The following SAMD12 variants were observed in gnomAD, a reference collection of about 807,000 sequenced individuals.
SAMD12 encodes the protein sterile alpha motif domain containing 12, also known as sterile alpha motif domain-containing protein 12.
Under a neutral mutation model 15.0 loss-of-function variants are expected in SAMD12, and 9 were observed. The observed-to-expected ratio is 0.60, with a 90% CI of 0.36 to 1.05. SAMD12 has a LOEUF of 1.05. SAMD12 is among the 50% of genes least tolerant of loss of function. The probability of loss-of-function intolerance (pLI) is 0.01; values close to 1 mark genes in which losing one functional copy is unlikely to be tolerated. For synonymous variants in SAMD12, 86 were observed against 90.1 expected, an observed-to-expected ratio of 0.96 and a Z score of 0.25; for missense variants, 230 against 234.2, an observed-to-expected ratio of 0.98 and a Z score of 0.12.
chr8:118,238,574 T>C lies in SAMD12; in HGVS notation c.434-40842A>G, dbSNP rs527366426. On this transcript the variant is annotated intron_variant, in intron 4 of 4. Coordinates refer to the SAMD12 transcript ENST00000409003. ...CTATCTCCTTGTGCTGACTCAGCTG[T>C]TGGAATGAGTAGTGAAGCTATAGAC... Among the ~76,000 whole-genome samples the C allele has an allele frequency of 2.0e-5, 3 of 152,254 alleles. No individual in the cohort carries two copies. The East Asian group carries it at 5.8e-4, about 29-fold the overall frequency.
chr8:118,330,571 GA>G (rs1363339131), intron 4 of SAMD12, among the ~76,000 whole-genome samples: 1 of 152,144 alleles, frequency 6.6e-6, no homozygotes. Context: ...GATCACAAGA[GA>G]AATACAAAAG....
chr8:118,518,354 G>A (rs1343092728), intron 2 of SAMD12, among the ~76,000 whole-genome samples: 1 of 152,168 alleles, frequency 6.6e-6, no homozygotes, highest in Non-Finnish European at 1.5e-5. Context: ...AAGAACCTGT[G>A]ATAGGAAGTA....
intron 4 of SAMD12, among the ~76,000 whole-genome samples, chr8:118,326,104 A>G (rs1816551460): frequency 6.6e-6 from 1 of 152,192 alleles, no homozygotes; most frequent in Non-Finnish European, 1.5e-5. Context: ...CTGGTGCTTC[A>G]ATTTCTTAAT....
chr8:118,508,055 G>A (rs1476100377), intron 2 of SAMD12, among the ~76,000 whole-genome samples: 1 of 142,476 alleles, frequency 7.0e-6, no homozygotes, highest in Non-Finnish European at 1.5e-5. Flanking sequence ...GTGCAGTGGT[G>A]CCATCATAGC....
At chr8:118,149,978 C>A in the SAMD12 span, among the ~76,000 whole-genome samples, 1 of 152,150 alleles carries the variant, frequency 6.6e-6, no homozygotes, top group Non-Finnish European at 1.5e-5. Context: ...ATTCTTTAAT[C>A]CCAGTGATTC....
intron 4 of SAMD12, among the ~76,000 whole-genome samples, chr8:118,204,259 G>T (rs771218973): frequency 1.3e-5 from 2 of 152,030 alleles, no homozygotes; most frequent in Non-Finnish European, 2.9e-5. Context: ...AAGGACAAAG[G>T]ATTTATGTGG....
chr8:118,376,491 C>A (rs772132407), downstream of SAMD12, among the ~76,000 whole-genome samples: 6 of 152,162 alleles, frequency 3.9e-5, no homozygotes, highest in Non-Finnish European at 8.8e-5. Flanking sequence ...TCATCAGACA[C>A]TGAATCTGCT....
the SAMD12 span, among the ~76,000 whole-genome samples, chr8:118,175,034 C>CA: frequency 0.013 from 1,013 of 78,774 alleles, 7 homozygotes; most frequent in Middle Eastern, 0.021. Flanking sequence ...CAAAAAAAAA[C>CA]AAAAAAAAAA....
chr8:118,543,587 T>C lies in SAMD12; in HGVS notation c.192+37128A>G, dbSNP rs60086839. On this transcript the variant is annotated intron_variant, in intron 2 of 3. Coordinates refer to ENST00000314727, the MANE Select transcript of SAMD12 (RefSeq NM_207506.3). Reference sequence around the variant, plus strand: ...TGGCCTAACACAAATTCATAAACTTTCTTAAAACATTATGAGATTTTTTTT... The same window carrying C: ...TGGCCTAACACAAATTCATAAACTTCCTTAAAACATTATGAGATTTTTTTT... 9.2e-5 allele frequency among the ~76,000 whole-genome samples: 14 copies of C among 151,828 alleles called. No individual in the cohort carries two copies. In the East Asian group the frequency reaches 2.7e-3, roughly 29 times the overall value.
chr8:118,372,266 T>G (rs1409239793), intron 4 of SAMD12, among the ~76,000 whole-genome samples: 1 of 152,164 alleles, frequency 6.6e-6, no homozygotes, highest in African/African-American at 2.4e-5. Flanking sequence ...TAGAAAGACA[T>G]ATCCTATTGC....
intron 4 of SAMD12, among the ~76,000 whole-genome samples, chr8:118,318,312 A>ATG (rs1344043781): frequency 3.4e-3 from 28 of 8,330 alleles, no homozygotes; most frequent in African/African-American, 0.011. Context: ...ATATATGTGT[A>ATG]TATATATATA....
rs1168490990 is a variant in SAMD12 at position 118,240,844 on chromosome 8, A to G, written c.434-43112T>C. ...TGGTGCTGAAGGACAAGCCAAGATT[A>G]AAGAGTCAACCAGCAGTTGACTGAG... On this transcript the variant is annotated intron_variant, in intron 4 of 4. Coordinates refer to the SAMD12 transcript ENST00000409003. Among the ~76,000 whole-genome samples the G allele has an allele frequency of 2.0e-5, 3 of 152,142 alleles. No homozygotes were observed. The East Asian group carries it at 5.8e-4, about 29-fold the overall frequency.
At chr8:118,496,662 C>A (rs1296258733) in intron 2 of SAMD12, among the ~76,000 whole-genome samples, 3 of 152,036 alleles carry the variant, frequency 2.0e-5, no homozygotes, top group Admixed American at 6.6e-5. Context: ...TAGGCCTTGG[C>A]AAAGATTTCA....
intron 4 of SAMD12, among the ~76,000 whole-genome samples, chr8:118,283,989 TAGA>T (rs1813794548): frequency 6.6e-6 from 1 of 152,208 alleles, no homozygotes; most frequent in African/African-American, 2.4e-5. Context: ...TATCACATTC[TAGA>T]AGGTGTGTGG....
At chr8:118,473,408 C>T (rs111424622) in intron 2 of SAMD12, among the ~76,000 whole-genome samples, 4 of 152,208 alleles carry the variant, frequency 2.6e-5, no homozygotes, top group African/African-American at 9.7e-5. Context: ...TCCTTCTAGA[C>T]TTAAAAACAC....
intron 2 of SAMD12, among the ~76,000 whole-genome samples, chr8:118,463,367 G>A (rs1823492895): frequency 6.6e-6 from 1 of 152,130 alleles, no homozygotes; most frequent in African/African-American, 2.4e-5. Flanking sequence ...AGGAGTCTAG[G>A]ATCAAGACAA....
intron 3 of SAMD12, among the ~76,000 whole-genome samples, chr8:118,410,635 T>C (rs555235970): frequency 6.6e-6 from 1 of 152,188 alleles, no homozygotes; most frequent in Non-Finnish European, 1.5e-5. Context: ...TGCAGGTAAA[T>C]GTTTCTGGCT....
the SAMD12 span, among the ~76,000 whole-genome samples, chr8:118,133,910 A>G: frequency 3.9e-5 from 6 of 152,202 alleles, no homozygotes. Context: ...AATTAATACT[A>G]TAGTCCTGGT....
chr8:118,282,452 T>C (rs1813696143), intron 4 of SAMD12: 1 of 414,650 alleles, frequency 2.4e-6, no homozygotes, highest in Non-Finnish European at 4.8e-6. Flanking sequence ...GTGTAAACCC[T>C]ACCTTCTGGT....
Sources: allele counts gnomAD v4.1 joint callset (sites outside exome capture counted in the v4.1 genomes callset), GRCh38; gene constraint gnomAD v4.1.1; transcripts MANE v1.5; gene names NCBI Gene and HGNC (gene_info 2026-07-23, HGNC 2026-07-21).